The following NEXMIF variants were observed in gnomAD, a reference collection of about 807,000 sequenced individuals.
NEXMIF encodes neurite extension and migration factor, also known as XLMR protein related to neurite extension.
A neutral mutation model predicts 62.1 loss-of-function variants in NEXMIF; 8 were observed. The observed-to-expected ratio is 0.13, with a 90% CI of 0.08 to 0.23. The LOEUF (loss-of-function observed/expected upper bound fraction) is 0.23. Ranked by LOEUF, NEXMIF falls within the 10% of genes least tolerant of loss-of-function variation. The probability of loss-of-function intolerance (pLI) is 1.00; values close to 1 mark genes in which losing one functional copy is unlikely to be tolerated. For synonymous variants in NEXMIF, 404 were observed against 416.6 expected (o/e 0.97, Z 0.37); for missense variants, 976 against 1,113.3 (o/e 0.88, Z 1.75).
At chrX:74,882,982 G>T (rs902775600) in intron 1 of NEXMIF, among the ~76,000 whole-genome samples, 1 of 111,455 alleles carries the variant, frequency 9.0e-6, no homozygotes, top group African/African-American at 3.3e-5. Context: ...AGCATTTGCG[G>T]TTCACCAATA....
chrX:74,828,463 C>A (rs773734586), intron 1 of NEXMIF, among the ~76,000 whole-genome samples: 1 of 111,608 alleles, frequency 9.0e-6, no homozygotes, highest in South Asian at 3.8e-4. Flanking sequence ...AATTGATCAA[C>A]CTATCCAAGG....
chrX:74,887,334 A>C (rs1347725251), intron 1 of NEXMIF, among the ~76,000 whole-genome samples: 6 of 111,294 alleles, frequency 5.4e-5, no homozygotes, highest in Non-Finnish European at 1.1e-4. Context: ...TCTGCACAGC[A>C]AAAGAAACCA....
intron 1 of NEXMIF, among the ~76,000 whole-genome samples, chrX:74,822,066 G>T (rs1237438031): frequency 9.0e-6 from 1 of 111,080 alleles, no homozygotes; most frequent in Non-Finnish European, 1.9e-5. Context: ...ATTTTTTTGA[G>T]TGCCAAGATC....
intron 1 of NEXMIF, among the ~76,000 whole-genome samples, chrX:74,887,543 G>A (rs1252635655): frequency 2.5e-4 from 28 of 111,964 alleles, no homozygotes; most frequent in Admixed American, 1.1e-3. Context: ...AACACATGAA[G>A]AAATGCTCAT....
chrX:74,763,113 G>C (rs2080182873), intron 1 of NEXMIF, among the ~76,000 whole-genome samples: 1 of 112,093 alleles, frequency 8.9e-6, no homozygotes, highest in South Asian at 3.7e-4. Context: ...TAATATTTAA[G>C]TCTTTAATCC....
At chrX:74,878,728 T>G (rs183068037) in intron 1 of NEXMIF, among the ~76,000 whole-genome samples, 1 of 112,543 alleles carries the variant, frequency 8.9e-6, no homozygotes, top group Non-Finnish European at 1.9e-5. Flanking sequence ...AAGCGCAGTA[T>G]TCGGGTGGGA....
At chrX:74,763,483 G>A (rs1349605249) in intron 1 of NEXMIF, among the ~76,000 whole-genome samples, 1 of 112,028 alleles carries the variant, frequency 8.9e-6, no homozygotes, top group Non-Finnish European at 1.9e-5. Flanking sequence ...CTTTAAAGTA[G>A]TTGTTTCCAA....
At chrX:74,765,548 C>T (rs760081671) in intron 1 of NEXMIF, among the ~76,000 whole-genome samples, 6 of 111,697 alleles carry the variant, frequency 5.4e-5, no homozygotes, top group South Asian at 7.5e-4. Context: ...AGTTTGTTTA[C>T]GTATTGGCTG....
At chrX:74,787,850 C>A (rs947289284) in intron 1 of NEXMIF, among the ~76,000 whole-genome samples, 1 of 111,562 alleles carries the variant, frequency 9.0e-6, no homozygotes, top group Non-Finnish European at 1.9e-5. Flanking sequence ...AGAGAGTACA[C>A]TCCTCAAACC....
intron 1 of NEXMIF, among the ~76,000 whole-genome samples, chrX:74,748,176 A>T (rs1213825682): frequency 8.9e-6 from 1 of 112,063 alleles, no homozygotes; most frequent in Non-Finnish European, 1.9e-5. Flanking sequence ...TAATTACCTC[A>T]TAAGTTTGGT....
At chrX:74,875,404 T>C (rs918092651) in intron 1 of NEXMIF, among the ~76,000 whole-genome samples, 2 of 112,281 alleles carry the variant, frequency 1.8e-5, no homozygotes, top group Non-Finnish European at 3.8e-5. Flanking sequence ...GCTGGTATTT[T>C]ATTGAGGATT....
intron 1 of NEXMIF, among the ~76,000 whole-genome samples, chrX:74,748,234 C>T (rs768520886): frequency 1.8e-5 from 2 of 111,928 alleles, no homozygotes; most frequent in South Asian, 3.7e-4. Context: ...CTGAGTATCA[C>T]AGATATTAAC....
chrX:74,812,390 CTTT>C, intron 1 of NEXMIF, among the ~76,000 whole-genome samples: 1 of 111,998 alleles, frequency 8.9e-6, no homozygotes, highest in Non-Finnish European at 1.9e-5. Flanking sequence ...AAATAAACTT[CTTT>C]GTTAGTTCCT....
chrX:74,751,971 T>C (rs777913589), intron 1 of NEXMIF, among the ~76,000 whole-genome samples: 1 of 110,058 alleles, frequency 9.1e-6, no homozygotes, highest in Admixed American at 9.8e-5. Flanking sequence ...CCTCCTAAGC[T>C]AATTTTTGTA....
intron 1 of NEXMIF, among the ~76,000 whole-genome samples, chrX:74,776,383 C>T (rs1006187189): frequency 2.7e-5 from 3 of 111,456 alleles, no homozygotes; most frequent in Non-Finnish European, 5.6e-5. Flanking sequence ...ATGAGTTAAA[C>T]TGGAGTCACA....
chrX:74,788,127 T>C (rs775258324), intron 1 of NEXMIF, among the ~76,000 whole-genome samples: 61 of 111,763 alleles, frequency 5.5e-4, no homozygotes, highest in Non-Finnish European at 2.6e-4. Context: ...ATAAAATCGT[T>C]CAATCTGGAA....
rs2080108286 is a variant in NEXMIF at position 74,742,265 on chromosome X, A to C, written c.2292T>G (p.Ile764Met). The C allele has an allele frequency of 8.3e-7, 1 of 1,210,119 alleles. No homozygotes were observed. The highest frequency in any genetic ancestry group is 1.1e-6 in the Non-Finnish European group (1 of 895,152). ...SSKANLKNEVIPGTSNSSRLS... is the reference protein window; with the variant it reads ...SSKANLKNEVMPGTSNSSRLS... Reference sequence around the variant, plus strand: ...GACGGGAACTGTTTGATGTCCCAGGAATAACTTCATTCTTTAAATTAGCCT... The same window carrying C: ...GACGGGAACTGTTTGATGTCCCAGGCATAACTTCATTCTTTAAATTAGCCT... Residue 764 changes from isoleucine to methionine, a missense_variant, in exon 3 of 4, where the codon ATT becomes ATG. Coordinates refer to ENST00000055682, the MANE Select transcript of NEXMIF (RefSeq NM_001008537.3).
intron 1 of NEXMIF, among the ~76,000 whole-genome samples, chrX:74,758,307 G>A (rs2080165102): frequency 9.0e-6 from 1 of 111,325 alleles, no homozygotes; most frequent in Non-Finnish European, 1.9e-5. Flanking sequence ...TAAGATGGCA[G>A]GAACAGAATG....
At chrX:74,875,623 C>G (rs1472862595) in intron 1 of NEXMIF, among the ~76,000 whole-genome samples, 7 of 111,519 alleles carry the variant, frequency 6.3e-5, no homozygotes, top group African/African-American at 2.3e-4. Flanking sequence ...CCATCTGGTC[C>G]TGGACTCTTT....
Sources: gnomAD v4.1 joint callset for allele counts (sites outside exome capture counted in the v4.1 genomes callset) on GRCh38, gnomAD v4.1.1 for gene constraint, MANE v1.5 for transcripts, NCBI Gene and HGNC (gene_info 2026-07-23, HGNC 2026-07-21) for gene names.